The following SULT2B1 variants were observed in gnomAD, a reference collection of about 807,000 sequenced individuals.
SULT2B1 encodes the protein sulfotransferase 2B1.
In SULT2B1, 16 loss-of-function variants were observed where a neutral mutation model predicts 33.2. The ratio of observed to expected loss-of-function variants is 0.48; its 90% CI spans 0.33 to 0.73. The LOEUF is 0.73. Among genes scored for constraint, SULT2B1 ranks in the 30% least tolerant of loss-of-function variants. The probability of loss-of-function intolerance (pLI) is 0.02; values close to 1 mark genes in which losing one functional copy is unlikely to be tolerated. For synonymous variants in SULT2B1, 186 were observed against 200.5 expected, an observed-to-expected ratio of 0.93 and a Z score of 0.61; for missense variants, 500 against 506.0, an observed-to-expected ratio of 0.99 and a Z score of 0.11.
At chr19:48,594,557 G>C (rs1973685508) in intron 5 of SULT2B1, among the ~76,000 whole-genome samples, 1 of 152,218 alleles carries the variant, frequency 6.6e-6, no homozygotes, top group South Asian at 2.1e-4. Flanking sequence ...CTTCTGGGCT[G>C]CCCCTGGGTG....
chr19:48,563,133 T>C (rs1973201893), intron 1 of SULT2B1, among the ~76,000 whole-genome samples: 1 of 152,166 alleles, frequency 6.6e-6, no homozygotes, highest in Admixed American at 6.6e-5. Context: ...CAAGCTGATT[T>C]TGAACTCCCG....
At chr19:48,568,204 C>T (rs565368397) in intron 1 of SULT2B1, among the ~76,000 whole-genome samples, 8 of 149,208 alleles carry the variant, frequency 5.4e-5, no homozygotes, top group Non-Finnish European at 8.9e-5. Flanking sequence ...GCCCAGGAGC[C>T]GGAGGGTGGA....
At chr19:48,560,770 G>A (rs1973165806) in intron 1 of SULT2B1, among the ~76,000 whole-genome samples, 1 of 151,912 alleles carries the variant, frequency 6.6e-6, no homozygotes, top group African/African-American at 2.4e-5. Context: ...AGACCAGCCT[G>A]GCCAACATGG....
At chr19:48,571,357 C>T (rs2665576) in intron 1 of SULT2B1, among the ~76,000 whole-genome samples, 98,362 of 151,176 alleles carry the variant, frequency 0.65, 32,375 homozygotes, top group African/African-American at 0.76. Flanking sequence ...CCACCGTGCC[C>T]AGCTAATTTT....
intron 1 of SULT2B1, among the ~76,000 whole-genome samples, chr19:48,556,890 C>T (rs1973106016): frequency 6.6e-6 from 1 of 151,702 alleles, no homozygotes; most frequent in African/African-American, 2.4e-5. Flanking sequence ...GCGGAAGTTG[C>T]AGTGACCTGA....
At chr19:48,571,915 A>G (rs1338272341) in intron 1 of SULT2B1, among the ~76,000 whole-genome samples, 1 of 152,152 alleles carries the variant, frequency 6.6e-6, no homozygotes, top group Non-Finnish European at 1.5e-5. Flanking sequence ...GCCCGGCTGC[A>G]CTTGTGTTTA....
rs373744133 is a variant in SULT2B1 at position 48,583,592 on chromosome 19, C to T, written c.215-3637C>T. Among the ~76,000 whole-genome samples the T allele has an allele frequency of 7.2e-5, 11 of 152,240 alleles. No homozygotes were observed. The East Asian group carries it at 1.5e-3, about 21-fold the overall frequency. On this transcript the variant is annotated intron_variant, in intron 2 of 6. Transcript: ENST00000201586. ...CAGCACTCTGGGAGGCCGAGGCGGG[C>T]GGATCACCTGAGGTCAGGAGTTCAA...
chr19:48,577,022 C>T (rs1320396453), intron 2 of SULT2B1, among the ~76,000 whole-genome samples: 1 of 135,590 alleles, frequency 7.4e-6, no homozygotes, highest in African/African-American at 2.7e-5. Context: ...TGGCAAACCC[C>T]CCTCTATTTT....
rs138292714 is a variant in SULT2B1 at position 48,587,313 on chromosome 19, G to A, written c.299G>A (p.Arg100Gln). The A allele has an allele frequency of 1.6e-5, 26 of 1,613,826 alleles. No homozygotes were observed. Among genetic ancestry groups the A allele is most frequent in the Non-Finnish European group, 2.1e-5 (25 of 1,179,998 alleles). Residue 100 changes from arginine (R) to glutamine (Q), a missense_variant, in exon 3 of 7, where the codon CGG (arginine) becomes CAG (glutamine). Physicochemically the swap from Arg to Gln is conservative, Grantham distance 43. Coordinates refer to ENST00000201586, the MANE Select transcript of SULT2B1 (RefSeq NM_177973.2). ...ATCCGCTCCGTGCCCATCTGGGAGCGGGCACCCTGGTGTGAGACCATTGTG... is the reference window on the plus strand; with the variant it reads ...ATCCGCTCCGTGCCCATCTGGGAGCAGGCACCCTGGTGTGAGACCATTGTG... Reference protein sequence around the residue: ...SWIRSVPIWERAPWCETIVGA... With the variant: ...SWIRSVPIWEQAPWCETIVGA...
At chr19:48,584,100 G>C (rs1288189222) in intron 2 of SULT2B1, among the ~76,000 whole-genome samples, 2 of 152,154 alleles carry the variant, frequency 1.3e-5, no homozygotes, top group African/African-American at 4.8e-5. Flanking sequence ...AACACAGCAA[G>C]ACTCCGTCTC....
chr19:48,596,813 C>T lies in SULT2B1; in HGVS notation c.720C>T (p.Val240=), dbSNP rs151077045. ...TGGGCAAGGAGGCACTGGGCTCCGT[C>T]GTGGCACACTCAACCTTCAGCGCCA... The part of the protein sequence containing the change: ...RPLGKEALGS[V]VAHSTFSAMK... The change falls in exon 6 of 7, where the codon GTC becomes GTT. Residue 240 remains valine (V), a synonymous_variant. Transcript: ENST00000201586. The T allele has an allele frequency of 6.8e-6, 11 of 1,609,810 alleles. No individual in the cohort carries two copies. The highest frequency in any genetic ancestry group is 2.7e-5 in the African/African-American group (2 of 74,924).
chr19:48,561,900 A>G (rs1334352991), intron 1 of SULT2B1, among the ~76,000 whole-genome samples: 1 of 152,114 alleles, frequency 6.6e-6, no homozygotes, highest in Admixed American at 6.6e-5. Flanking sequence ...GGATCACCTG[A>G]GGTCGGGAGT....
rs1568411931 is a variant in SULT2B1, at chr19:48,587,214, G to A, written c.215-15G>A. 5 of 1,592,948 alleles carry A rather than the reference G, an allele frequency of 3.1e-6. No individual in the cohort carries two copies. The highest frequency in any genetic ancestry group is 1.7e-5 in the Admixed American group (1 of 58,456). ...CCTCCCACACCCAATTAATCTGCTC[G>A]ATTTCTCCCAACAGGCACGACCTGG... On this transcript the variant is annotated splice_polypyrimidine_tract_variant and intron_variant, in intron 2 of 6. Transcript: ENST00000201586.
At chr19:48,569,361 A>AAT (rs1568405757) in intron 1 of SULT2B1, among the ~76,000 whole-genome samples, 1 of 9,960 alleles carries the variant, frequency 1.0e-4, no homozygotes, top group African/African-American at 4.8e-4. Context: ...AAAAAAAAAA[A>AAT]ACATATATAT....
chr19:48,563,154 A>G (rs1973202129), intron 1 of SULT2B1, among the ~76,000 whole-genome samples: 1 of 152,260 alleles, frequency 6.6e-6, no homozygotes, highest in South Asian at 2.1e-4. Context: ...GGCTCAAGCC[A>G]TTCTCCCGCC....
chr19:48,571,174 C>T (rs944851832), intron 1 of SULT2B1, among the ~76,000 whole-genome samples: 1 of 143,292 alleles, frequency 7.0e-6, no homozygotes, highest in Non-Finnish European at 1.5e-5. Flanking sequence ...GTACAGGCCA[C>T]CATGCCTGGC....
chr19:48,573,903 C>T (rs896446790), intron 1 of SULT2B1, among the ~76,000 whole-genome samples: 6 of 152,076 alleles, frequency 3.9e-5, no homozygotes, highest in African/African-American at 1.4e-4. Flanking sequence ...ACTCTGTCAC[C>T]CAGGCTGGAG....
chr19:48,587,002 C>T (rs938108332), intron 2 of SULT2B1, among the ~76,000 whole-genome samples: 12 of 152,046 alleles, frequency 7.9e-5, no homozygotes, highest in African/African-American at 2.2e-4. Context: ...GCTAGCTACT[C>T]GGCTGAGGCT....
intron 6 of SULT2B1, 146 bp downstream of exon 6, chr19:48,597,065 G>A (rs553115951): frequency 1.7e-5 from 17 of 975,148 alleles, no homozygotes; most frequent in East Asian, 7.9e-5. Context: ...GGTTGATCAC[G>A]CACGGGGCTT....
Sources: gnomAD v4.1 joint callset for allele counts (sites outside exome capture counted in the v4.1 genomes callset) on GRCh38, gnomAD v4.1.1 for gene constraint, MANE v1.5 for transcripts, NCBI Gene and HGNC (gene_info 2026-07-23, HGNC 2026-07-21) for gene names.